CNTNAP2: variants seen among roughly 807,000 people sequenced by gnomAD.
The protein encoded by CNTNAP2 is contactin-associated protein-like 2.
A neutral mutation model predicts 155.2 loss-of-function variants in CNTNAP2; 98 were observed. That is an observed-to-expected ratio of 0.63 (90% confidence interval 0.54 to 0.75). CNTNAP2 has a LOEUF of 0.75. Among genes scored for constraint, CNTNAP2 ranks in the 30% least tolerant of loss-of-function variants. The probability of loss-of-function intolerance (pLI) is 0.00; values close to 1 mark genes in which losing one functional copy is unlikely to be tolerated. For synonymous variants in CNTNAP2, 651 were observed against 631.2 expected, an observed-to-expected ratio of 1.03 and a Z score of -0.47; for missense variants, 1,727 against 1,688.1, an observed-to-expected ratio of 1.02 and a Z score of -0.40.
At chr7:146,647,822 C>G (rs566615883) in intron 1 of CNTNAP2, among the ~76,000 whole-genome samples, 14 of 152,268 alleles carry the variant, frequency 9.2e-5, no homozygotes, top group Non-Finnish European at 1.8e-4. Flanking sequence ...TAAAAGAAAT[C>G]TTTTACTCTA....
intron 1 of CNTNAP2, among the ~76,000 whole-genome samples, chr7:146,586,831 CCTAA>C (rs1312344916): frequency 6.6e-6 from 1 of 152,126 alleles, no homozygotes. Flanking sequence ...TCTTAGCCAG[CCTAA>C]CTGTTAATGA....
At chr7:147,965,471 C>A (rs540379986) in intron 14 of CNTNAP2, among the ~76,000 whole-genome samples, 1 of 151,936 alleles carries the variant, frequency 6.6e-6, no homozygotes, top group South Asian at 2.1e-4. Flanking sequence ...AGCTATTGAA[C>A]TTTTTCTTCA....
intron 15 of CNTNAP2, among the ~76,000 whole-genome samples, chr7:148,089,255 T>G (rs375196133): frequency 1.3e-5 from 2 of 152,126 alleles, no homozygotes; most frequent in African/African-American, 4.8e-5. Flanking sequence ...AAGACAAGGA[T>G]GCCCACTCTT....
At chr7:146,753,043 A>C (rs1219969755) in intron 1 of CNTNAP2, among the ~76,000 whole-genome samples, 1 of 152,164 alleles carries the variant, frequency 6.6e-6, no homozygotes, top group Non-Finnish European at 1.5e-5. Context: ...TATGGATTCA[A>C]GTTGTGCAGG....
At chr7:147,835,885 C>T (rs1584981620) in intron 13 of CNTNAP2, among the ~76,000 whole-genome samples, 1 of 152,052 alleles carries the variant, frequency 6.6e-6, no homozygotes, top group South Asian at 2.1e-4. Context: ...GTCACAAGAC[C>T]AAGAATGCCA....
chr7:148,409,242 G>A (rs951770530), intron 22 of CNTNAP2, 149 bp from the exon 23 acceptor site: 3 of 684,310 alleles, frequency 4.4e-6, no homozygotes, highest in Non-Finnish European at 7.9e-6. Context: ...ATTCTTGTGG[G>A]AGACAATGGC....
intron 3 of CNTNAP2, among the ~76,000 whole-genome samples, chr7:146,907,763 T>A (rs915428042): frequency 7.4e-5 from 11 of 148,706 alleles, no homozygotes; most frequent in African/African-American, 2.7e-4. Context: ...AATCACCAGC[T>A]AACATCATAA....
chr7:147,182,549 A>C (rs978957796), intron 8 of CNTNAP2, among the ~76,000 whole-genome samples: 3 of 151,968 alleles, frequency 2.0e-5, no homozygotes, highest in Non-Finnish European at 4.4e-5. Flanking sequence ...CAAATATTTA[A>C]ATTTCCATAT....
chr7:146,546,148 G>C (rs1477268322), intron 1 of CNTNAP2, among the ~76,000 whole-genome samples: 1 of 151,852 alleles, frequency 6.6e-6, no homozygotes, highest in Non-Finnish European at 1.5e-5. Context: ...AAAAGTTTGA[G>C]GCCATGGTAT....
chr7:147,018,235 T>A (rs1798759559), intron 3 of CNTNAP2, among the ~76,000 whole-genome samples: 1 of 151,984 alleles, frequency 6.6e-6, no homozygotes, highest in South Asian at 2.1e-4. Flanking sequence ...ATTATACTGG[T>A]TAGGTACAGA....
intron 21 of CNTNAP2, among the ~76,000 whole-genome samples, chr7:148,277,880 A>G (rs1192933428): frequency 6.6e-6 from 1 of 151,928 alleles, no homozygotes; most frequent in Non-Finnish European, 1.5e-5. Context: ...AATTGCTTAA[A>G]ACAACAATTC....
intron 1 of CNTNAP2, among the ~76,000 whole-genome samples, chr7:146,137,881 A>G (rs1214397324): frequency 6.6e-6 from 1 of 151,952 alleles, no homozygotes; most frequent in East Asian, 1.9e-4. Flanking sequence ...AGAATTATAT[A>G]TACTTAATAT....
In CNTNAP2 at chr7:146,127,765, T is replaced by C. The variant is rs1317272088; in HGVS notation, c.97+10792T>C. The stretch of plus-strand genomic sequence containing the variant: ...TAATTATTGCATCTAACAAGTACTT[T>C]AAATAGAGTACTTAAGATGTCACCA... On this transcript the variant is annotated intron_variant, in intron 1 of 23. Coordinates refer to ENST00000361727, the MANE Select transcript of CNTNAP2 (RefSeq NM_014141.6). 2.0e-5 allele frequency among the ~76,000 whole-genome samples: 3 copies of C among 152,174 alleles called. 1 individual carries two copies. The highest frequency in any genetic ancestry group is 1.3e-4 in the Admixed American group (2 of 15,274).
intron 3 of CNTNAP2, among the ~76,000 whole-genome samples, chr7:146,936,070 A>G (rs989584727): frequency 3.3e-5 from 5 of 152,184 alleles, no homozygotes; most frequent in African/African-American, 4.8e-5. Context: ...ACCGTAATCT[A>G]TGAATGAGGT....
At chr7:148,011,453 T>C (rs1383990271) in intron 15 of CNTNAP2, among the ~76,000 whole-genome samples, 2 of 152,220 alleles carry the variant, frequency 1.3e-5, no homozygotes, top group Admixed American at 6.5e-5. Context: ...GTGTCTTAAG[T>C]ATATTTGTTT....
chr7:148,400,515 T>C (rs1298824426), intron 22 of CNTNAP2, among the ~76,000 whole-genome samples: 1 of 152,066 alleles, frequency 6.6e-6, no homozygotes, highest in Non-Finnish European at 1.5e-5. Flanking sequence ...GCCCCAGTGT[T>C]TACAGGAAAT....
At chr7:146,784,939 G>T (rs773067351) in intron 2 of CNTNAP2, among the ~76,000 whole-genome samples, 1 of 151,220 alleles carries the variant, frequency 6.6e-6, no homozygotes, top group Non-Finnish European at 1.5e-5. Context: ...ATGTGTTTAC[G>T]AGAATAATCA....
chr7:146,812,508 G>T (rs926416417), intron 2 of CNTNAP2, among the ~76,000 whole-genome samples: 1 of 150,560 alleles, frequency 6.6e-6, no homozygotes, highest in Non-Finnish European at 1.5e-5. Context: ...ATGCCAGTTT[G>T]TTACATATGT....
intron 12 of CNTNAP2, among the ~76,000 whole-genome samples, chr7:147,615,859 A>G (rs964712973): frequency 6.6e-6 from 1 of 152,092 alleles, no homozygotes; most frequent in African/African-American, 2.4e-5. Context: ...TTGAAATACC[A>G]CTTAAGTCCG....
Sources: allele counts gnomAD v4.1 joint callset (sites outside exome capture counted in the v4.1 genomes callset), GRCh38; gene constraint gnomAD v4.1.1; transcripts MANE v1.5; gene names NCBI Gene and HGNC (gene_info 2026-07-23, HGNC 2026-07-21).